Variants in XPC observed in about 807,000 individuals in gnomAD.
The protein encoded by XPC is DNA repair protein complementing XP-C cells.
In XPC, 76 loss-of-function variants were observed where a neutral mutation model predicts 95.8. That is an observed-to-expected ratio of 0.79 (90% confidence interval 0.66 to 0.96). The LOEUF (loss-of-function observed/expected upper bound fraction) is 0.96, where lower values mean the gene tolerates loss of function less well. Ranked by LOEUF, XPC falls within the 40% of genes least tolerant of loss-of-function variation. XPC has a pLI of 0.00. For synonymous variants in XPC, 442 were observed against 442.1 expected (o/e 1.00, Z 0.00); for missense variants, 1,146 against 1,179.8 (o/e 0.97, Z 0.42).
In XPC at chr3:14,158,779, T is replaced by A. The variant is rs1278018405; in HGVS notation, c.1104A>T (p.Gln368His). The A allele has an allele frequency of 2.5e-6, 4 of 1,613,836 alleles. No homozygotes were observed. The highest frequency in any genetic ancestry group is 3.4e-6 in the Non-Finnish European group (4 of 1,179,882). The change falls in exon 9 of 16, where the codon CAA (glutamine) becomes CAT (histidine). Residue 368 changes from glutamine to histidine, a missense_variant. Gln to His is a conservative substitution (Grantham distance 24). Coordinates refer to ENST00000285021, the MANE Select transcript of XPC (RefSeq NM_004628.5). The surrounding 1 kb of genome is among the most constrained non-coding windows in gnomAD (Gnocchi z 5.2). The part of the protein sequence containing the change: ...TKPKTSKGTK[Q>H]EETFAKGTCR... ...AGGTGCCCTTAGCAAAGGTTTCCTC[T>A]TGTTTGGTTCCTTTGCTGGTCTTTG...
chr3:14,177,059 C>A (rs1696849016), intron 1 of XPC, among the ~76,000 whole-genome samples: 1 of 152,058 alleles, frequency 6.6e-6, no homozygotes, highest in African/African-American at 2.4e-5. Context: ...ACTCCAGCCT[C>A]AGCGACAGAG....
At chr3:14,174,077 A>G (rs1243120760) in intron 1 of XPC, among the ~76,000 whole-genome samples, 2 of 152,212 alleles carry the variant, frequency 1.3e-5, no homozygotes, top group Non-Finnish European at 2.9e-5. Flanking sequence ...TCTGATCTAA[A>G]TGAAATCATG....
chr3:14,156,257 C>CA (rs1695898891), intron 10 of XPC, 78 bp downstream of exon 10: 2 of 1,529,066 alleles, frequency 1.3e-6, no homozygotes, highest in Non-Finnish European at 1.8e-6. Flanking sequence ...CTCCCATCAG[C>CA]AACCCTTGCC....
chr3:14,147,736 GT>G (rs765385285), intron 14 of XPC, 171 bp downstream of exon 14: 121 of 631,208 alleles, frequency 1.9e-4, no homozygotes, highest in Non-Finnish European at 2.9e-4. Context: ...AGTCTGCGGG[GT>G]GGGCAGGAGC....
chr3:14,171,336 C>T (rs1225771191), intron 2 of XPC, among the ~76,000 whole-genome samples: 1 of 152,000 alleles, frequency 6.6e-6, no homozygotes, highest in Non-Finnish European at 1.5e-5. Context: ...TTTTAGAGTA[C>T]CACTTTCTCT....
chr3:14,170,326 A>G, intron 3 of XPC, 112 bp downstream of exon 3: 1 of 1,034,898 alleles, frequency 9.7e-7, no homozygotes, highest in Non-Finnish European at 1.5e-6. Context: ...CTGTGGTCTA[A>G]TTAGCTCAAA....
chr3:14,160,878 T>A lies in XPC; in HGVS notation c.901-1048A>T, dbSNP rs1696141829. ...TGAGTGACTTCCCTAAGCCTGGATT[T>A]CTGCATCTAGAATAATCCCTGCCTC... On this transcript the variant is annotated intron_variant, in intron 7 of 15. Transcript: ENST00000285021. Among the ~76,000 whole-genome samples the A allele has an allele frequency of 1.3e-5, 2 of 152,218 alleles. 1 individual carries two copies. Among genetic ancestry groups the A allele is most frequent in the South Asian group, 4.1e-4 (2 of 4,832 alleles).
chr3:14,154,349 C>A (rs999946348), intron 10 of XPC, among the ~76,000 whole-genome samples: 8 of 152,088 alleles, frequency 5.3e-5, no homozygotes, highest in African/African-American at 1.9e-4. Context: ...ATCTGCACAC[C>A]CATGTTCACA....
chr3:14,167,142 TC>T lies in XPC; in HGVS notation c.621+26del, dbSNP rs774898640. The T allele has an allele frequency of 5.2e-6, 8 of 1,544,360 alleles. No individual in the cohort carries two copies. The African/African-American group carries it at 1.1e-4, about 21-fold the overall frequency. ...AGCTCTTTGCACCGACAAGGAAAAG[TC>T]CTTCCCCATCATTCCTTGCCCTTAC... On this transcript the variant is annotated intron_variant, in intron 5 of 15. Transcript: ENST00000285021.
At chr3:14,169,630 C>T (rs1374606939) in intron 3 of XPC, among the ~76,000 whole-genome samples, 1 of 152,092 alleles carries the variant, frequency 6.6e-6, no homozygotes, top group Non-Finnish European at 1.5e-5. Context: ...TTTTCATTTT[C>T]GTAGGTGTGA....
chr3:14,171,564 G>T (rs1183567548), intron 2 of XPC, among the ~76,000 whole-genome samples: 1 of 152,208 alleles, frequency 6.6e-6, no homozygotes, highest in Non-Finnish European at 1.5e-5. Flanking sequence ...TCTAGGGAAG[G>T]CCAGGCGCAA....
intron 11 of XPC, chr3:14,151,976 A>G (rs1695709324): frequency 4.5e-6 from 1 of 222,736 alleles, no homozygotes; most frequent in African/African-American, 2.3e-5. Flanking sequence ...TGCCAAACAG[A>G]AGGGCAATCT....
intron 7 of XPC, among the ~76,000 whole-genome samples, chr3:14,161,644 A>AG (rs1222289088): frequency 1.3e-5 from 2 of 151,128 alleles, no homozygotes; most frequent in Admixed American, 1.3e-4. Context: ...AAAAAAAAAA[A>AG]AAATTCAGAA....
chr3:14,169,186 C>T (rs974993866), intron 3 of XPC, among the ~76,000 whole-genome samples: 3 of 152,136 alleles, frequency 2.0e-5, no homozygotes, highest in African/African-American at 7.2e-5. Context: ...CATGGTAGTA[C>T]AGCTAGCTTA....
At chr3:14,178,417 C>T in intron 1 of XPC, 49 bp downstream of exon 1, 2 of 1,556,204 alleles carry the variant, frequency 1.3e-6, no homozygotes, top group Non-Finnish European at 1.7e-6. Context: ...TGGGCCTCCT[C>T]CGCCCACCGG....
chr3:14,148,578 C>T lies in XPC; in HGVS notation c.2404G>A (p.Gly802Ser), dbSNP rs200148127. The T allele has an allele frequency of 5.8e-4, 935 of 1,613,894 alleles. 3 individuals carry two copies. The highest frequency in any genetic ancestry group is 1.5e-3 in the South Asian group (134 of 91,078). The change falls in exon 13 of 16, where the codon GGC (glycine) becomes AGC (serine). Residue 802 changes from glycine to serine, a missense_variant. By Grantham distance (56) the Gly-to-Ser change is moderately conservative. Transcript: ENST00000285021. The part of the protein sequence containing the change: ...QAITGFDFHG[G>S]YSHPVTDGYI... ...CTCACGCACACGGGATGGGAGTAGC[C>T]GCCATGGAAATCAAAGCCAGTGATG...
chr3:14,158,888 T>C lies in XPC; in HGVS notation c.995A>G (p.Lys332Arg), dbSNP rs1696054548. 1 of 1,613,864 alleles carries C rather than the reference T, an allele frequency of 6.2e-7. No individual in the cohort carries two copies. Among genetic ancestry groups the C allele is most frequent in the Non-Finnish European group, 8.5e-7 (1 of 1,179,908 alleles). ...AGTCAATCTTTCCTTGGAAGGTTTCTTTCCCTTAAACAGAATAAGAAATTT... is the reference window on the plus strand; with the variant it reads ...AGTCAATCTTTCCTTGGAAGGTTTCCTTCCCTTAAACAGAATAAGAAATTT... Reference protein sequence around the residue: ...IPLKSATAKGKKPSKERLTAD... With the variant: ...IPLKSATAKGRKPSKERLTAD... Residue 332 changes from lysine to arginine, a missense_variant, in exon 9 of 16, where the codon AAG becomes AGG. Physicochemically the swap from Lys to Arg is conservative, Grantham distance 26. Transcript: ENST00000285021. This position sits in a 1 kb window ranked among gnomAD's most constrained non-coding sequence, Gnocchi z 5.2.
chr3:14,173,135 C>A (rs1301667305), intron 1 of XPC, 73 bp from the exon 2 acceptor site: 357 of 1,344,510 alleles, frequency 2.7e-4, no homozygotes, highest in East Asian at 6.8e-4. Context: ...TGGGCAGGGG[C>A]ATAAAACGGC....
At chr3:14,170,706 C>A in intron 2 of XPC, 156 bp from the exon 3 acceptor site, 1 of 539,108 alleles carries the variant, frequency 1.9e-6, no homozygotes, top group Admixed American at 3.5e-5. Context: ...CTTCCTCCAT[C>A]AACATGTGTT....
Sources: gnomAD v4.1 joint callset for allele counts (sites outside exome capture counted in the v4.1 genomes callset) on GRCh38, gnomAD v4.1.1 for gene constraint, Gnocchi (gnomAD v3.1) non-coding constraint, MANE v1.5 for transcripts, NCBI Gene and HGNC (gene_info 2026-07-23, HGNC 2026-07-21) for gene names.